The following CEP170 variants were observed in gnomAD, a reference collection of about 807,000 sequenced individuals.
CEP170 encodes the protein centrosomal protein 170, also known as centrosomal protein of 170 kDa.
Under a neutral mutation model 151.9 loss-of-function variants are expected in CEP170, and 21 were observed. The ratio of observed to expected loss-of-function variants is 0.14; its 90% CI spans 0.10 to 0.20. The LOEUF (loss-of-function observed/expected upper bound fraction) is 0.20, where lower values mean the gene tolerates loss of function less well. Ranked by LOEUF, CEP170 falls within the 10% of genes least tolerant of loss-of-function variation. The probability of loss-of-function intolerance (pLI) is 1.00; values close to 1 mark genes in which losing one functional copy is unlikely to be tolerated. For synonymous variants in CEP170, 356 were observed against 648.8 expected (o/e 0.55, Z 6.86); for missense variants, 964 against 1,892.9 (o/e 0.51, Z 9.11).
chr1:243,240,098 G>GT (rs1231485723), intron 1 of CEP170, among the ~76,000 whole-genome samples: 1 of 152,158 alleles, frequency 6.6e-6, no homozygotes, highest in Admixed American at 6.5e-5. Context: ...ATCACCTGAA[G>GT]TCAGAAGTTT....
intron 13 of CEP170, among the ~76,000 whole-genome samples, chr1:243,161,721 C>T (rs1415137544): frequency 2.0e-5 from 3 of 152,156 alleles, no homozygotes; most frequent in South Asian, 2.1e-4. Flanking sequence ...GACAATATCA[C>T]AAGTGCTAGG....
chr1:243,170,708 C>G (rs1364516777), intron 11 of CEP170, among the ~76,000 whole-genome samples: 6 of 151,970 alleles, frequency 3.9e-5, no homozygotes, highest in Non-Finnish European at 7.4e-5. Flanking sequence ...GCAGGGGAAT[C>G]GCGTGAACCC....
In CEP170 at chr1:243,125,518, G is replaced by T. The variant is rs901998930; in HGVS notation, c.*931C>A. On this transcript the variant is annotated 3_prime_UTR_variant, in exon 20 of 20. Transcript: ENST00000366542. ...TTTCAAGGGAATTTCTTTTTCAACTGTCACATATAAACTTGGTAACACAGG... is the reference window on the plus strand; with the variant it reads ...TTTCAAGGGAATTTCTTTTTCAACTTTCACATATAAACTTGGTAACACAGG... 1.3e-5 allele frequency: 2 copies of T among 152,590 alleles called. No homozygotes were observed. The highest frequency in any genetic ancestry group is 4.8e-5 in the African/African-American group (2 of 41,416). The allele number at this position is 152,590 out of a possible 1,614,324, so 9.5% of individuals were successfully genotyped here. A position where few individuals can be genotyped will look rare whatever the true frequency, so the allele number is the denominator to read the frequency against.
intron 13 of CEP170, among the ~76,000 whole-genome samples, chr1:243,160,663 G>A (rs2057992801): frequency 6.6e-6 from 1 of 151,980 alleles, no homozygotes; most frequent in African/African-American, 2.4e-5. Context: ...ATATTTTAGT[G>A]GAAAATTACC....
intron 1 of CEP170, among the ~76,000 whole-genome samples, chr1:243,229,220 T>A (rs1202283094): frequency 2.0e-5 from 3 of 152,166 alleles, no homozygotes; most frequent in African/African-American, 7.2e-5. Context: ...AGCCTGTGGG[T>A]TTGCAACTTG....
chr1:243,218,976 G>A (rs559875015), intron 3 of CEP170, among the ~76,000 whole-genome samples: 3 of 152,256 alleles, frequency 2.0e-5, no homozygotes, highest in Admixed American at 6.5e-5. Context: ...TAAAGTTCTA[G>A]AATAATATGG....
intron 1 of CEP170, among the ~76,000 whole-genome samples, chr1:243,240,147 C>T (rs747373116): frequency 6.6e-6 from 1 of 152,112 alleles, no homozygotes; most frequent in African/African-American, 2.4e-5. Context: ...CCTGTTTCTA[C>T]TACAAATACG....
chr1:243,189,575 T>A lies in CEP170; in HGVS notation c.1108+1443A>T, dbSNP rs865908200. On this transcript the variant is annotated intron_variant, in intron 8 of 19. Transcript: ENST00000366542. Reference sequence around the variant, plus strand: ...TGTCTCCAAAAAAAAAAAAAAAAAATAGTAGTAATAATAATAGTCAATATA... The same window carrying A: ...TGTCTCCAAAAAAAAAAAAAAAAAAAAGTAGTAATAATAATAGTCAATATA... Among the ~76,000 whole-genome samples, 227 of 140,764 alleles carry A rather than the reference T, an allele frequency of 1.6e-3. 1 individual carries two copies. Among genetic ancestry groups the A allele is most frequent in the South Asian group, 3.8e-3 (17 of 4,438 alleles). 92.3% of individuals were successfully genotyped at this position (140,764 alleles called of 152,430 possible). A position where few individuals can be genotyped will look rare whatever the true frequency, so the allele number is the denominator to read the frequency against.
intron 1 of CEP170, among the ~76,000 whole-genome samples, chr1:243,227,811 A>G (rs2063423068): frequency 6.6e-6 from 1 of 152,188 alleles, no homozygotes; most frequent in Non-Finnish European, 1.5e-5. Flanking sequence ...GGACCCTTGT[A>G]AGGTTTACCG....
chr1:243,221,102 A>G lies in CEP170; in HGVS notation c.195+622T>C, dbSNP rs564626549. On this transcript the variant is annotated intron_variant, in intron 3 of 19. Coordinates refer to ENST00000366542, the MANE Select transcript of CEP170 (RefSeq NM_014812.3). ...TGCAGTGGCGCTGTCTCGGCTCACA[A>G]CAAGCTCCGCCTCCCGGGTTCACGC... Among the ~76,000 whole-genome samples, 336 of 152,096 alleles carry G rather than the reference A, an allele frequency of 2.2e-3. 1 individual carries two copies. The highest frequency in any genetic ancestry group is 4.1e-3 in the Non-Finnish European group (280 of 67,984).
At chr1:243,180,340 T>C (rs766258108) in intron 10 of CEP170, among the ~76,000 whole-genome samples, 6 of 152,194 alleles carry the variant, frequency 3.9e-5, no homozygotes, top group African/African-American at 1.4e-4. Flanking sequence ...GCTTTGGAAA[T>C]TAACACAGCA....
At chr1:243,197,641 G>T (rs1213674016) in intron 7 of CEP170, among the ~76,000 whole-genome samples, 3 of 152,026 alleles carry the variant, frequency 2.0e-5, no homozygotes, top group Non-Finnish European at 4.4e-5. Context: ...CTATGAGAGT[G>T]AGGGTAAACT....
At position 243,199,141 on chromosome 1, in the gene CEP170, C is replaced by A; in HGVS notation, c.550G>T (p.Gly184Trp). Residue 184 changes from glycine to tryptophan, a missense_variant, in exon 7 of 20, where the codon GGG becomes TGG. Gly to Trp is a radical substitution (Grantham distance 184). Transcript: ENST00000366542. ...TPLYGQPSWW[G>W]DDEVDEKRAF... is the part of the protein sequence containing the mutation. Reference sequence around the variant, plus strand: ...CTTTTTTCATCCACCTCATCATCCCCCCACCATGACGGCTGCCCATATAAT... The same window carrying A: ...CTTTTTTCATCCACCTCATCATCCCACCACCATGACGGCTGCCCATATAAT... 4 of 1,612,136 alleles carry A rather than the reference C, an allele frequency of 2.5e-6. No homozygotes were observed. The highest frequency in any genetic ancestry group is 2.5e-6 in the Non-Finnish European group (3 of 1,178,840).
intron 14 of CEP170, among the ~76,000 whole-genome samples, chr1:243,149,516 T>G (rs1483193144): frequency 6.6e-6 from 1 of 152,162 alleles, no homozygotes; most frequent in African/African-American, 2.4e-5. Flanking sequence ...GCTGTTTGGA[T>G]CTGACCTAGC....
chr1:243,243,615 C>T, intron 1 of CEP170, among the ~76,000 whole-genome samples: 1 of 151,930 alleles, frequency 6.6e-6, no homozygotes, highest in East Asian at 1.9e-4. Flanking sequence ...CCTCTGCCTC[C>T]CAGGTTCAAG....
intron 10 of CEP170, among the ~76,000 whole-genome samples, chr1:243,180,233 TAAA>T (rs1270662366): frequency 1.2e-4 from 19 of 152,126 alleles, no homozygotes; most frequent in African/African-American, 4.3e-4. Context: ...AAGAGGAAAA[TAAA>T]TAGAATTTCA....
chr1:243,126,747 C>T lies in CEP170; in HGVS notation c.4466-9G>A, dbSNP rs767770275. On this transcript the variant is annotated splice_polypyrimidine_tract_variant and intron_variant, in intron 19 of 19. Coordinates refer to ENST00000366542, the MANE Select transcript of CEP170 (RefSeq NM_014812.3). Reference sequence around the variant, plus strand: ...AATCATAGCATTGATTGCTAAAGGGCGGGAAAAGGAAATAATTTTAGATGC... The same window carrying T: ...AATCATAGCATTGATTGCTAAAGGGTGGGAAAAGGAAATAATTTTAGATGC... The T allele has an allele frequency of 1.1e-5, 17 of 1,554,930 alleles. 1 individual carries two copies. The highest frequency in any genetic ancestry group is 9.6e-5 in the South Asian group (8 of 83,298).
intron 10 of CEP170, among the ~76,000 whole-genome samples, chr1:243,179,960 A>T (rs1251407434): frequency 6.6e-6 from 1 of 152,272 alleles, no homozygotes; most frequent in Non-Finnish European, 1.5e-5. Flanking sequence ...AAGCCACTTC[A>T]AAGTGAATTA....
At chr1:243,168,966 G>C (rs2058635593) in intron 12 of CEP170, among the ~76,000 whole-genome samples, 1 of 148,184 alleles carries the variant, frequency 6.7e-6, no homozygotes, top group Non-Finnish European at 1.5e-5. Flanking sequence ...GTTTGGACCT[G>C]TCTTCAGCTT....
Sources: gnomAD v4.1 joint callset for allele counts (sites outside exome capture counted in the v4.1 genomes callset) on GRCh38, gnomAD v4.1.1 for gene constraint, MANE v1.5 for transcripts, NCBI Gene and HGNC (gene_info 2026-07-23, HGNC 2026-07-21) for gene names.